The following SLC16A7 variants were observed in gnomAD, a reference collection of about 807,000 sequenced individuals.
SLC16A7 encodes solute carrier family 16 member 7.
SLC16A7 carries 33 observed loss-of-function variants against 34.9 expected under a neutral mutation model. The observed-to-expected ratio is 0.94, with a 90% CI of 0.72 to 1.26. The LOEUF is 1.26. SLC16A7 is among the 50% of genes most tolerant of loss of function. SLC16A7 has a pLI of 0.00. For synonymous variants in SLC16A7, 201 were observed against 206.6 expected (o/e 0.97, Z 0.23); for missense variants, 573 against 578.1 (o/e 0.99, Z 0.09).
chr12:59,704,673 T>A (rs990304977), intron 2 of SLC16A7, 99 bp from the exon 3 acceptor site: 3 of 629,426 alleles, frequency 4.8e-6, no homozygotes, highest in Non-Finnish European at 5.5e-6. Context: ...AAAAATCATA[T>A]TGTAGTTTTA....
At chr12:59,702,127 A>G (rs1449506606) in intron 2 of SLC16A7, among the ~76,000 whole-genome samples, 1 of 151,910 alleles carries the variant, frequency 6.6e-6, no homozygotes, top group Non-Finnish European at 1.5e-5. Context: ...AAAATATAGT[A>G]ATAAAATTTA....
At chr12:59,668,009 C>G (rs546867166) in intron 2 of SLC16A7, among the ~76,000 whole-genome samples, 12 of 152,184 alleles carry the variant, frequency 7.9e-5, no homozygotes, top group Non-Finnish European at 1.2e-4. Flanking sequence ...TGTGGATACA[C>G]AGAAGTCAAG....
intron 2 of SLC16A7, among the ~76,000 whole-genome samples, chr12:59,668,870 G>A (rs1869433944): frequency 6.6e-6 from 1 of 152,174 alleles, no homozygotes; most frequent in East Asian, 1.9e-4. Flanking sequence ...TCTTGTGATA[G>A]TGAATAAGTC....
chr12:59,667,896 C>T (rs951423973), intron 2 of SLC16A7, among the ~76,000 whole-genome samples: 1 of 152,208 alleles, frequency 6.6e-6, no homozygotes, highest in South Asian at 2.1e-4. Flanking sequence ...ACCCTGCATC[C>T]CAGCCATGGC....
At chr12:59,764,563 G>A (rs2465197) in intron 3 of SLC16A7, among the ~76,000 whole-genome samples, 88,070 of 149,012 alleles carry the variant, frequency 0.59, 26,762 homozygotes, top group African/African-American at 0.76. Context: ...ATTCCCACCT[G>A]TGAGTGAGAA....
At chr12:59,598,487 T>A (rs61936294) in intron 1 of SLC16A7, among the ~76,000 whole-genome samples, 30,774 of 151,952 alleles carry the variant, frequency 0.2, 3,209 homozygotes, top group Non-Finnish European at 0.21. Context: ...TGCCTTTTAG[T>A]CCATTTTTTT....
intron 4 of SLC16A7, among the ~76,000 whole-genome samples, chr12:59,773,567 G>T: frequency 6.7e-6 from 1 of 150,112 alleles, no homozygotes; most frequent in East Asian, 1.9e-4. Flanking sequence ...ATAAACCAAT[G>T]TACTTTTTTT....
intron 3 of SLC16A7, among the ~76,000 whole-genome samples, chr12:59,768,489 G>A (rs894807322): frequency 2.0e-5 from 3 of 152,118 alleles, no homozygotes; most frequent in African/African-American, 7.2e-5. Flanking sequence ...TACTTCTGAT[G>A]AAAATGCTGT....
intron 2 of SLC16A7, among the ~76,000 whole-genome samples, chr12:59,669,941 A>G (rs1457196358): frequency 1.3e-5 from 2 of 152,218 alleles, no homozygotes; most frequent in African/African-American, 4.8e-5. Context: ...CTGGTAGATT[A>G]CAAGTTCTTA....
Position 59,654,086 on chromosome 12 carries a change from TG to T in SLC16A7, c.-129-1065del, listed in dbSNP as rs376038483. Among the ~76,000 whole-genome samples, 59 of 151,402 alleles carry T rather than the reference TG, an allele frequency of 3.9e-4. No homozygotes were observed. In the East Asian group the frequency reaches 0.01, roughly 27 times the overall value. On this transcript the variant is annotated intron_variant, in intron 1 of 5. Transcript: ENST00000547379. ...TAACTGTCTTAAGTAGCAATATTAA[TG>T]TTAATTAATGTTATTATTAATAATT...
chr12:59,771,411 A>G (rs1882214514), intron 4 of SLC16A7, 49 bp downstream of exon 4: 2 of 1,299,072 alleles, frequency 1.5e-6, no homozygotes, highest in South Asian at 1.7e-5. Context: ...GTTATTTTCA[A>G]AGCTCTATGA....
At chr12:59,692,280 C>T (rs1871755405) in intron 2 of SLC16A7, among the ~76,000 whole-genome samples, 2 of 151,880 alleles carry the variant, frequency 1.3e-5, no homozygotes, top group South Asian at 4.1e-4. Flanking sequence ...CCTGGGTAAT[C>T]CAGGGTAAGA....
intron 2 of SLC16A7, among the ~76,000 whole-genome samples, chr12:59,655,648 C>G (rs1008508264): frequency 4.6e-5 from 7 of 151,652 alleles, no homozygotes; most frequent in Non-Finnish European, 4.4e-5. Flanking sequence ...TAGTTATTTA[C>G]CTTTATCATT....
Position 59,786,791 on chromosome 12 carries a change from A to T in SLC16A7, c.*7112A>T, listed in dbSNP as rs145862270. The T allele has an allele frequency of 6.6e-6, 1 of 152,264 alleles. No homozygotes were observed. The highest frequency in any genetic ancestry group is 6.5e-5 in the Admixed American group (1 of 15,274). 9.4% of individuals were successfully genotyped at this position (152,264 alleles called of 1,614,324 possible). A position where few individuals can be genotyped will look rare whatever the true frequency, so the allele number is the denominator to read the frequency against. The stretch of plus-strand genomic sequence containing the variant: ...TAGAATTCAGGTCTTTTAACTTCTA[A>T]CACACTTTTTTCTCCATTGCACTAC... On this transcript the variant is annotated 3_prime_UTR_variant, in exon 6 of 6. Transcript: ENST00000547379.
chr12:59,651,029 C>A (rs1868334069), intron 1 of SLC16A7, among the ~76,000 whole-genome samples: 1 of 152,104 alleles, frequency 6.6e-6, no homozygotes, highest in Non-Finnish European at 1.5e-5. Flanking sequence ...TTCTCAAAAC[C>A]ACCCATGCTT....
At chr12:59,629,916 A>C (rs146682614) in intron 1 of SLC16A7, among the ~76,000 whole-genome samples, 1 of 152,000 alleles carries the variant, frequency 6.6e-6, no homozygotes, top group East Asian at 1.9e-4. Flanking sequence ...ATTGTGTATT[A>C]TCTTGCCCTT....
intron 1 of SLC16A7, among the ~76,000 whole-genome samples, chr12:59,617,185 A>G (rs76564229): frequency 0.013 from 1,979 of 152,146 alleles, 38 homozygotes; most frequent in African/African-American, 0.044. Context: ...TCATGGGAAT[A>G]TATCACCTAA....
At chr12:59,683,003 A>C (rs1412086138) in intron 2 of SLC16A7, among the ~76,000 whole-genome samples, 1 of 152,016 alleles carries the variant, frequency 6.6e-6, no homozygotes, top group Non-Finnish European at 1.5e-5. Context: ...GAGGCGGAGG[A>C]TGCGGTGAGC....
intron 3 of SLC16A7, among the ~76,000 whole-genome samples, chr12:59,758,557 G>A (rs953448383): frequency 6.6e-6 from 1 of 151,850 alleles, no homozygotes; most frequent in Non-Finnish European, 1.5e-5. Context: ...TAATATTGAT[G>A]TAAAAAAATA....
Sources: gnomAD v4.1 joint callset for allele counts (sites outside exome capture counted in the v4.1 genomes callset) on GRCh38, gnomAD v4.1.1 for gene constraint, MANE v1.5 for transcripts, NCBI Gene and HGNC (gene_info 2026-07-23, HGNC 2026-07-21) for gene names.